The following KATNIP variants were observed in gnomAD, a reference collection of about 807,000 sequenced individuals.
The protein encoded by KATNIP is katanin-interacting protein.
A neutral mutation model predicts 174.0 loss-of-function variants in KATNIP; 126 were observed. The ratio of observed to expected loss-of-function variants is 0.72; its 90% CI spans 0.63 to 0.84. The LOEUF is 0.84. Among genes scored for constraint, KATNIP ranks in the 40% least tolerant of loss-of-function variants. The pLI is 0.00. For missense variants in KATNIP, 1,958 were observed against 2,109.7 expected (o/e 0.93, Z 1.41); for synonymous variants, 810 against 835.7 (o/e 0.97, Z 0.53).
intron 13 of KATNIP, among the ~76,000 whole-genome samples, chr16:27,719,159 A>T (rs1007301964): frequency 1.3e-5 from 2 of 152,218 alleles, no homozygotes; most frequent in African/African-American, 4.8e-5. Context: ...TGCAGACTCA[A>T]TGCCTACAGG....
At chr16:27,731,785 A>C (rs959998623) in intron 14 of KATNIP, among the ~76,000 whole-genome samples, 1 of 151,878 alleles carries the variant, frequency 6.6e-6, no homozygotes, top group African/African-American at 2.4e-5. Context: ...CACAGGGCTA[A>C]TTTTTTTGTA....
At chr16:27,614,241 C>T (rs909653514) in intron 2 of KATNIP, among the ~76,000 whole-genome samples, 12 of 152,090 alleles carry the variant, frequency 7.9e-5, no homozygotes, top group African/African-American at 2.9e-4. Context: ...TCTCAGCTCA[C>T]TGCAACCTCC....
chr16:27,754,065 C>T, intron 17 of KATNIP, 108 bp from the exon 18 acceptor site: 1 of 877,824 alleles, frequency 1.1e-6, no homozygotes, highest in South Asian at 1.5e-5. Context: ...CAAGGACTTA[C>T]CTGGGCATAG....
chr16:27,648,785 C>A, intron 6 of KATNIP, 50 bp downstream of exon 6: 1 of 1,591,152 alleles, frequency 6.3e-7, no homozygotes, highest in Non-Finnish European at 8.6e-7. Context: ...GACGGCGAGG[C>A]TCGGTGCTGC....
chr16:27,686,550 A>G (rs1028987387), intron 8 of KATNIP, among the ~76,000 whole-genome samples: 4 of 152,048 alleles, frequency 2.6e-5, no homozygotes, highest in African/African-American at 9.7e-5. Flanking sequence ...ATGCGTTTTA[A>G]TGGGAGCATT....
At chr16:27,632,508 G>C in intron 5 of KATNIP, 1 of 428,560 alleles carries the variant, frequency 2.3e-6, no homozygotes, top group Non-Finnish European at 4.9e-6. Flanking sequence ...AGGATCTGAG[G>C]GTGGAGGTTT....
chr16:27,699,464 A>T, intron 9 of KATNIP, 70 bp from the exon 10 acceptor site: 1 of 1,598,154 alleles, frequency 6.3e-7, no homozygotes, highest in Non-Finnish European at 8.5e-7. Context: ...CTGTGCCCTC[A>T]TCTTTCTGTG....
intron 6 of KATNIP, among the ~76,000 whole-genome samples, chr16:27,666,764 C>T (rs532281961): frequency 1.3e-5 from 2 of 152,238 alleles, no homozygotes; most frequent in South Asian, 4.1e-4. Context: ...TGGTGGTTCA[C>T]GCCTGTAATC....
At chr16:27,577,877 A>G (rs2090556193) in intron 2 of KATNIP, among the ~76,000 whole-genome samples, 1 of 152,092 alleles carries the variant, frequency 6.6e-6, no homozygotes, top group Admixed American at 6.6e-5. Context: ...TGTCTCAAAA[A>G]AAAATTTTTT....
chr16:27,749,129 C>T (rs2081396643), intron 15 of KATNIP, among the ~76,000 whole-genome samples: 1 of 152,228 alleles, frequency 6.6e-6, no homozygotes, highest in African/African-American at 2.4e-5. Context: ...TGAGTTTCTA[C>T]AGTGGGGAGC....
At chr16:27,556,314 A>C (rs1202153154) in intron 1 of KATNIP, among the ~76,000 whole-genome samples, 5 of 152,168 alleles carry the variant, frequency 3.3e-5, no homozygotes, top group South Asian at 2.1e-4. Flanking sequence ...TTATTCCATG[A>C]AGGTACATTG....
Position 27,749,972 on chromosome 16 carries a change from A to G in KATNIP, c.3012A>G (p.Glu1004=). Residue 1004 remains glutamate (E), a synonymous_variant, in exon 16 of 28, where the codon GAA becomes GAG. Coordinates refer to ENST00000261588, the MANE Select transcript of KATNIP (RefSeq NM_015202.5). ...TAGAAATATTCAGTTCCAAGGGTGA[A>G]CCGGTGCAGATTTCAAACATAAAAG... is the stretch of plus-strand genomic sequence containing the variant. ...NGIEIFSSKG[E]PVQISNIKAD... 6.2e-7 allele frequency: 1 copy of G among 1,614,218 alleles called. No individual in the cohort carries two copies. The highest frequency in any genetic ancestry group is 8.5e-7 in the Non-Finnish European group (1 of 1,180,032).
chr16:27,763,441 TAAAAAAAAAA>T lies in KATNIP; in HGVS notation c.3809+1868_3809+1877del, dbSNP rs35206356. On this transcript the variant is annotated intron_variant, in intron 19 of 27. Coordinates refer to ENST00000261588, the MANE Select transcript of KATNIP (RefSeq NM_015202.5). ...GGGCAACATAGTGAGATTGTGTCTC[TAAAAAAAAAA>T]AAAAAAAAAAAAAAAATAGCCAGGC... Among the ~76,000 whole-genome samples the T allele has an allele frequency of 8.8e-5, 6 of 68,204 alleles. No individual in the cohort carries two copies. The Admixed American group carries it at 9.0e-4, about 10-fold the overall frequency. 44.7% of individuals were successfully genotyped at this position (68,204 alleles called of 152,430 possible).
At chr16:27,628,449 T>C in intron 3 of KATNIP, 1 of 558,048 alleles carries the variant, frequency 1.8e-6, no homozygotes, top group East Asian at 3.0e-5. Context: ...GAAACTTCCC[T>C]GTAGGGCCCC....
At chr16:27,733,715 G>T (rs1486663943) in intron 14 of KATNIP, among the ~76,000 whole-genome samples, 2 of 151,994 alleles carry the variant, frequency 1.3e-5, no homozygotes, top group African/African-American at 4.8e-5. Context: ...AGAGCCTGGG[G>T]TTAAAGCCCT....
intron 8 of KATNIP, among the ~76,000 whole-genome samples, chr16:27,684,318 C>G (rs1358441174): frequency 1.3e-5 from 2 of 152,298 alleles, no homozygotes; most frequent in Non-Finnish European, 2.9e-5. Flanking sequence ...GCTGCAGAAT[C>G]TCTGCTCTTA....
intron 5 of KATNIP, among the ~76,000 whole-genome samples, chr16:27,646,704 G>A (rs2076968482): frequency 6.6e-6 from 1 of 152,212 alleles, no homozygotes; most frequent in Non-Finnish European, 1.5e-5. Flanking sequence ...TGCGTGCCAG[G>A]TACATCAGTT....
intron 2 of KATNIP, among the ~76,000 whole-genome samples, chr16:27,596,282 C>T (rs1220606926): frequency 6.6e-6 from 1 of 151,918 alleles, no homozygotes; most frequent in African/African-American, 2.4e-5. Context: ...AGAGAGGCAG[C>T]TGGACTTGTT....
At chr16:27,679,328 A>G (rs555827783) in intron 7 of KATNIP, among the ~76,000 whole-genome samples, 5 of 152,170 alleles carry the variant, frequency 3.3e-5, no homozygotes, top group African/African-American at 4.8e-5. Context: ...TCTGTGTCCT[A>G]ATCTCCTCTT....
Sources: gnomAD v4.1 joint callset for allele counts (sites outside exome capture counted in the v4.1 genomes callset) on GRCh38, gnomAD v4.1.1 for gene constraint, MANE v1.5 for transcripts, NCBI Gene and HGNC (gene_info 2026-07-23, HGNC 2026-07-21) for gene names.